DLC1: variants seen among roughly 807,000 people sequenced by gnomAD.
The protein encoded by DLC1 is DLC1 Rho GTPase activating protein.
Under a neutral mutation model 140.3 loss-of-function variants are expected in DLC1, and 54 were observed. That is an observed-to-expected ratio of 0.38 (90% CI 0.31 to 0.48). DLC1 has a LOEUF of 0.48. Ranked by LOEUF, DLC1 falls within the 20% of genes least tolerant of loss-of-function variation. DLC1 has a pLI of 0.96. For missense variants in DLC1, 2,536 were observed against 1,907.0 expected (o/e 1.33, Z -6.14); for synonymous variants, 986 against 728.1 (o/e 1.35, Z -5.70).
intron 5 of DLC1, among the ~76,000 whole-genome samples, chr8:13,119,260 C>T (rs1265041713): frequency 1.3e-5 from 2 of 151,698 alleles, no homozygotes; most frequent in African/African-American, 4.8e-5. Flanking sequence ...GGTCTAAACA[C>T]CCTGGCAAGG....
chr8:13,387,390 A>T lies in DLC1; in HGVS notation c.1314+6163T>A, dbSNP rs77337410. 9.6e-3 allele frequency among the ~76,000 whole-genome samples: 1,460 copies of T among 152,146 alleles called. 21 individuals are homozygous for T. Among genetic ancestry groups the T allele is most frequent in the African/African-American group, 0.033 (1,378 of 41,566 alleles). On this transcript the variant is annotated intron_variant, in intron 4 of 17. Transcript: ENST00000276297. Reference sequence around the variant, plus strand: ...AACCATTTAAGCAAACATATAGTATATGATAACATGGTAAAACAAAATAAA... The same window carrying T: ...AACCATTTAAGCAAACATATAGTATTTGATAACATGGTAAAACAAAATAAA...
rs542520087 is a variant in DLC1 at position 13,159,541 on chromosome 8, G to A, written c.1349-43884C>T. On this transcript the variant is annotated intron_variant, in intron 5 of 17. Coordinates refer to ENST00000276297, the MANE Select transcript of DLC1 (RefSeq NM_182643.3). The stretch of plus-strand genomic sequence containing the variant: ...CATCTCATTCAACACCTCCTCTTTT[G>A]TTTACTATTGTGAAACCTCTAGGTG... 3.3e-5 allele frequency among the ~76,000 whole-genome samples: 5 copies of A among 152,220 alleles called. No homozygotes were observed. In the East Asian group the frequency reaches 9.7e-4, roughly 29 times the overall value.
At position 13,243,387 on chromosome 8, in the gene DLC1, C is replaced by T. The variant is rs942433376; in HGVS notation, c.1348+61882G>A. Among the ~76,000 whole-genome samples, 5 of 151,630 alleles carry T rather than the reference C, an allele frequency of 3.3e-5. No homozygotes were observed. In the South Asian group the frequency reaches 6.3e-4, roughly 19 times the overall value. Reference sequence around the variant, plus strand: ...GATGTGCTTCCCCCTCACCTTCTGCCGTGATTGTGAGTTTCCTGAGGCCTC... The same window carrying T: ...GATGTGCTTCCCCCTCACCTTCTGCTGTGATTGTGAGTTTCCTGAGGCCTC... On this transcript the variant is annotated intron_variant, in intron 5 of 17. Coordinates refer to ENST00000276297, the MANE Select transcript of DLC1 (RefSeq NM_182643.3).
Position 13,455,600 on chromosome 8 carries a change from C to G in DLC1, c.1023+43449G>C, listed in dbSNP as rs574166648. On this transcript the variant is annotated intron_variant, in intron 2 of 17. Coordinates refer to ENST00000276297, the MANE Select transcript of DLC1 (RefSeq NM_182643.3). ...TCCCTTATCTCTTTCAGTCTTTTCT[C>G]CAAAATCACCTTCTCAGTGAATTCT... Among the ~76,000 whole-genome samples, 200 of 152,344 alleles carry G rather than the reference C, an allele frequency of 1.3e-3. 1 individual carries two copies. The highest frequency in any genetic ancestry group is 4.6e-3 in the African/African-American group (191 of 41,584).
At chr8:13,277,202 C>T (rs1192754320) in intron 5 of DLC1, among the ~76,000 whole-genome samples, 1 of 152,140 alleles carries the variant, frequency 6.6e-6, no homozygotes, top group African/African-American at 2.4e-5. Context: ...GTCCCAGCTG[C>T]TTGGGAGGCT....
chr8:13,096,691 G>A (rs540546833), intron 10 of DLC1, among the ~76,000 whole-genome samples: 15 of 151,894 alleles, frequency 9.9e-5, no homozygotes, highest in South Asian at 2.1e-4. Flanking sequence ...GCCTTTGAAC[G>A]GGAGGTGCTT....
rs1228286794 is a variant in DLC1 at position 13,305,310 on chromosome 8, A to G, written c.1315-8T>C. The G allele has an allele frequency of 6.3e-7, 1 of 1,590,224 alleles. No individual in the cohort carries two copies. Among genetic ancestry groups the G allele is most frequent in the Non-Finnish European group, 8.5e-7 (1 of 1,170,730 alleles). On this transcript the variant is annotated splice_polypyrimidine_tract_variant and splice_region_variant and intron_variant, in intron 4 of 17. Coordinates refer to ENST00000276297, the MANE Select transcript of DLC1 (RefSeq NM_182643.3). ...TGAAATACCTTGAATAGCCTGAAAA[A>G]AAAGACACAAAAATTGTGGTATTAT...
intron 4 of DLC1, among the ~76,000 whole-genome samples, chr8:13,328,405 G>T (rs567080411): frequency 2.6e-5 from 4 of 152,264 alleles, no homozygotes; most frequent in African/African-American, 9.6e-5. Flanking sequence ...TTGCGGGAGT[G>T]TAGAAGACGT....
At chr8:13,600,809 G>A (rs1038904330) in intron 1 of DLC1, among the ~76,000 whole-genome samples, 6 of 151,658 alleles carry the variant, frequency 4.0e-5, no homozygotes, top group African/African-American at 1.5e-4. Flanking sequence ...AAATATACAA[G>A]TGTAGATTTA....
chr8:13,091,229 C>T, intron 14 of DLC1, 89 bp downstream of exon 14: 2 of 1,257,938 alleles, frequency 1.6e-6, no homozygotes, highest in Non-Finnish European at 2.3e-6. Flanking sequence ...AAAAGGTCTT[C>T]AGGTAAGACA....
chr8:13,391,670 G>C (rs1269983546), intron 4 of DLC1, among the ~76,000 whole-genome samples: 1 of 152,068 alleles, frequency 6.6e-6, no homozygotes, highest in Non-Finnish European at 1.5e-5. Context: ...TATAAACACA[G>C]GGGTAACTGA....
At chr8:13,310,024 T>C (rs1446050241) in intron 4 of DLC1, among the ~76,000 whole-genome samples, 3 of 152,202 alleles carry the variant, frequency 2.0e-5, no homozygotes. Flanking sequence ...TATGAAATAT[T>C]TTCCTCTTAG....
At chr8:13,221,860 TTAA>T (rs1475698133) in intron 5 of DLC1, among the ~76,000 whole-genome samples, 2 of 143,878 alleles carry the variant, frequency 1.4e-5, no homozygotes, top group Non-Finnish European at 3.0e-5. Context: ...TATTAATATA[TTAA>T]TAAAATATAT....
At chr8:13,154,343 C>A (rs1296366562) in intron 5 of DLC1, among the ~76,000 whole-genome samples, 1 of 152,234 alleles carries the variant, frequency 6.6e-6, no homozygotes, top group Non-Finnish European at 1.5e-5. Flanking sequence ...CCCTGCCCTG[C>A]TGGGAGGTGG....
In DLC1 at chr8:13,369,270, G is replaced by A. The variant is rs1441272328; in HGVS notation, c.1314+24283C>T. On this transcript the variant is annotated intron_variant, in intron 4 of 17. Transcript: ENST00000276297. ...TAGAGTGGAGTTGTTGAATTTGGTTGAACTTCTAATAGATTCATTCTTTCT... is the reference window on the plus strand; with the variant it reads ...TAGAGTGGAGTTGTTGAATTTGGTTAAACTTCTAATAGATTCATTCTTTCT... 9.5e-5 allele frequency among the ~76,000 whole-genome samples: 14 copies of A among 146,950 alleles called. No individual in the cohort carries two copies. The East Asian group carries it at 2.9e-3, about 30-fold the overall frequency.
intron 1 of DLC1, chr8:13,567,396 T>A: frequency 6.4e-7 from 1 of 1,551,688 alleles, no homozygotes; most frequent in Non-Finnish European, 8.7e-7. Context: ...TGATTCATCG[T>A]AGAGGGGATT....
intron 1 of DLC1, among the ~76,000 whole-genome samples, chr8:13,582,081 G>C (rs1331280584): frequency 6.6e-6 from 1 of 152,118 alleles, no homozygotes. Flanking sequence ...TCTCCCTAGA[G>C]AATAATAAAT....
At position 13,427,880 on chromosome 8, in the gene DLC1, A is replaced by C. The variant is rs80127262; in HGVS notation, c.1024-26261T>G. On this transcript the variant is annotated intron_variant, in intron 2 of 17. Coordinates refer to ENST00000276297, the MANE Select transcript of DLC1 (RefSeq NM_182643.3). ...GATGCAGGAATGATGTCTTCTTCTGACTTTGTACCTCTCACAGAACCAAAT... is the reference window on the plus strand; with the variant it reads ...GATGCAGGAATGATGTCTTCTTCTGCCTTTGTACCTCTCACAGAACCAAAT... Among the ~76,000 whole-genome samples, 887 of 152,244 alleles carry C rather than the reference A, an allele frequency of 5.8e-3. 12 individuals are homozygous for C. The highest frequency in any genetic ancestry group is 0.02 in the African/African-American group (850 of 41,538).
chr8:13,085,220 CA>C lies in DLC1; in HGVS notation c.*590del, dbSNP rs1400258730. ...GTTGGGCCCCCTTTCTGGGTGGATT[CA>C]GGGGTAGTCAGATATTCCAGGTTAA... On this transcript the variant is annotated 3_prime_UTR_variant, in exon 18 of 18. Coordinates refer to ENST00000276297, the MANE Select transcript of DLC1 (RefSeq NM_182643.3). 6.6e-6 allele frequency: 1 copy of C among 152,562 alleles called. No homozygotes were observed. Among genetic ancestry groups the C allele is most frequent in the Non-Finnish European group, 1.5e-5 (1 of 68,054 alleles). 9.5% of individuals were successfully genotyped at this position (152,562 alleles called of 1,614,324 possible).
Sources: gnomAD v4.1 joint callset for allele counts (sites outside exome capture counted in the v4.1 genomes callset) on GRCh38, gnomAD v4.1.1 for gene constraint, MANE v1.5 for transcripts, NCBI Gene and HGNC (gene_info 2026-07-23, HGNC 2026-07-21) for gene names.